The following ARHGAP24 variants were observed in gnomAD, a reference collection of about 807,000 sequenced individuals.
ARHGAP24 encodes Rho GTPase activating protein 24.
In ARHGAP24, 50 loss-of-function variants were observed where a neutral mutation model predicts 76.4. The observed-to-expected ratio is 0.65, with a 90% confidence interval of 0.52 to 0.83. The LOEUF is 0.83. ARHGAP24 is among the 40% of genes least tolerant of loss of function. The pLI is 0.00. For missense variants in ARHGAP24, 930 were observed against 914.2 expected, an observed-to-expected ratio of 1.02 and a Z score of -0.22; for synonymous variants, 345 against 323.3, an observed-to-expected ratio of 1.07 and a Z score of -0.72.
At chr4:85,836,206 C>A (rs532052726) in intron 3 of ARHGAP24, among the ~76,000 whole-genome samples, 2 of 152,314 alleles carry the variant, frequency 1.3e-5, no homozygotes, top group Admixed American at 1.3e-4. Flanking sequence ...CCAAACATTT[C>A]TGTGTGTGTC....
chr4:85,479,424 T>A (rs528114480), intron 1 of ARHGAP24, among the ~76,000 whole-genome samples: 3 of 152,218 alleles, frequency 2.0e-5, no homozygotes, highest in Non-Finnish European at 4.4e-5. Context: ...ATCTGTGAAA[T>A]CCAAGTGGGA....
At chr4:85,693,282 A>G (rs1056224313) in intron 2 of ARHGAP24, among the ~76,000 whole-genome samples, 3 of 152,154 alleles carry the variant, frequency 2.0e-5, no homozygotes, top group Non-Finnish European at 4.4e-5. Flanking sequence ...CTGGCACTGC[A>G]TCAACATTTC....
At chr4:85,972,572 G>T (rs2148851738) in intron 6 of ARHGAP24, among the ~76,000 whole-genome samples, 1 of 152,160 alleles carries the variant, frequency 6.6e-6, no homozygotes, top group Middle Eastern at 3.4e-3. Flanking sequence ...CTTTGTTAAG[G>T]TATAATTTTT....
intron 2 of ARHGAP24, among the ~76,000 whole-genome samples, chr4:85,581,209 G>A (rs772641407): frequency 2.3e-4 from 35 of 152,046 alleles, no homozygotes; most frequent in Admixed American, 5.9e-4. Context: ...CTAAAATATA[G>A]CATAATAAGC....
intron 4 of ARHGAP24, among the ~76,000 whole-genome samples, chr4:85,934,122 A>G (rs1027221783): frequency 1.3e-5 from 2 of 152,218 alleles, no homozygotes; most frequent in Non-Finnish European, 2.9e-5. Context: ...CACACAAGCC[A>G]TCTTGTGAAG....
chr4:85,538,124 T>G (rs1212673294), intron 1 of ARHGAP24, among the ~76,000 whole-genome samples: 1 of 152,110 alleles, frequency 6.6e-6, no homozygotes, highest in Non-Finnish European at 1.5e-5. Context: ...AAATAACATC[T>G]TCACAGGTTT....
At chr4:85,833,736 AG>A (rs1475051625) in intron 3 of ARHGAP24, among the ~76,000 whole-genome samples, 2 of 152,248 alleles carry the variant, frequency 1.3e-5, no homozygotes, top group Admixed American at 6.5e-5. Flanking sequence ...GAAACTTGGA[AG>A]GTACAAACAG....
intron 1 of ARHGAP24, among the ~76,000 whole-genome samples, chr4:85,564,408 G>GA (rs1239939537): frequency 1.5e-5 from 2 of 131,978 alleles, no homozygotes; most frequent in African/African-American, 8.1e-5. Flanking sequence ...TGGGGGGAGC[G>GA]GGGGGGATAG....
rs141735845 is a variant in ARHGAP24 at position 85,933,692 on chromosome 4, A to G, written c.392-8374A>G. Among the ~76,000 whole-genome samples the G allele has an allele frequency of 8.7e-3, 1,330 of 152,324 alleles. 20 individuals are homozygous for G. Among genetic ancestry groups the G allele is most frequent in the African/African-American group, 0.031 (1,269 of 41,576 alleles). On this transcript the variant is annotated intron_variant, in intron 4 of 9. Coordinates refer to ENST00000395184, the MANE Select transcript of ARHGAP24 (RefSeq NM_001025616.3). ...GAAACTACAATTTTTCTTTACCTCT[A>G]TAATATGACTATTAGCAGTGTAACC...
chr4:85,911,072 C>G (rs948122835), intron 3 of ARHGAP24, among the ~76,000 whole-genome samples: 3 of 152,202 alleles, frequency 2.0e-5, no homozygotes, highest in Non-Finnish European at 4.4e-5. Context: ...CCTGGGTCCT[C>G]AAGAGTACAG....
At chr4:85,717,304 T>C (rs1162520110) in intron 2 of ARHGAP24, among the ~76,000 whole-genome samples, 1 of 152,120 alleles carries the variant, frequency 6.6e-6, no homozygotes, top group African/African-American at 2.4e-5. Context: ...CAATATATAA[T>C]AATGCATCTG....
intron 3 of ARHGAP24, among the ~76,000 whole-genome samples, chr4:85,820,191 TC>T (rs2110122703): frequency 6.6e-6 from 1 of 152,328 alleles, no homozygotes; most frequent in Admixed American, 6.5e-5. Context: ...ATGCATATGT[TC>T]ATCACAGCAC....
At chr4:85,538,601 T>A (rs1186005646) in intron 1 of ARHGAP24, among the ~76,000 whole-genome samples, 1 of 152,202 alleles carries the variant, frequency 6.6e-6, no homozygotes, top group Non-Finnish European at 1.5e-5. Context: ...ACGCACCTAT[T>A]TGACTTGTAA....
intron 2 of ARHGAP24, among the ~76,000 whole-genome samples, chr4:85,655,790 T>C (rs76154869): frequency 2.0e-5 from 1 of 50,140 alleles, no homozygotes; most frequent in African/African-American, 1.1e-4. Context: ...TATATATATA[T>C]ATAGAGAGAG....
At chr4:85,650,782 A>G (rs1721910153) in intron 2 of ARHGAP24, among the ~76,000 whole-genome samples, 1 of 149,448 alleles carries the variant, frequency 6.7e-6, no homozygotes, top group South Asian at 2.1e-4. Flanking sequence ...CAAACTGAAT[A>G]TGAGTACTGA....
chr4:85,994,972 A>C lies in ARHGAP24; in HGVS notation c.1318A>C (p.Ser440Arg), dbSNP rs772911173. Residue 440 changes from serine (S) to arginine (R), a missense_variant, in exon 9 of 10, where the codon AGC (serine) becomes CGC (arginine). Coordinates refer to ENST00000395184, the MANE Select transcript of ARHGAP24 (RefSeq NM_001025616.3). The stretch of plus-strand genomic sequence containing the variant: ...GATAGTTACCAATGGGTCCTTCAGC[A>C]GCAGTAATGCAGAAGGTCTTGAGAA... ...SGIVTNGSFS[S>R]SNAEGLEKTQ... 5 of 1,614,040 alleles carry C rather than the reference A, an allele frequency of 3.1e-6. No individual in the cohort carries two copies. The highest frequency in any genetic ancestry group is 3.4e-6 in the Non-Finnish European group (4 of 1,180,036).
At position 85,487,416 on chromosome 4, in the gene ARHGAP24, TATA is replaced by T. The variant is rs1186761386; in HGVS notation, c.-21+11858_-21+11860del. Among the ~76,000 whole-genome samples, 12 of 108,320 alleles carry T rather than the reference TATA, an allele frequency of 1.1e-4. No homozygotes were observed. In the East Asian group the frequency reaches 3.2e-3, roughly 29 times the overall value. 71.1% of individuals were successfully genotyped at this position (108,320 alleles called of 152,430 possible). On this transcript the variant is annotated intron_variant, in intron 1 of 9. Coordinates refer to ENST00000395184, the MANE Select transcript of ARHGAP24 (RefSeq NM_001025616.3). ...TAAACATGTAAATATATATTTATTA[TATA>T]TTATATAAATATATAAATATATATT...
chr4:85,862,585 C>CTTTAGA (rs1219959456), intron 3 of ARHGAP24, among the ~76,000 whole-genome samples: 1 of 152,068 alleles, frequency 6.6e-6, no homozygotes, highest in African/African-American at 2.4e-5. Context: ...TTTGCTTTAA[C>CTTTAGA]AGGGCTCACC....
intron 1 of ARHGAP24, among the ~76,000 whole-genome samples, chr4:85,518,957 G>A (rs191793504): frequency 6.2e-4 from 94 of 152,162 alleles, no homozygotes; most frequent in African/African-American, 6.7e-4. Context: ...TTTCCATAGC[G>A]GCAGTACTAG....
Sources: gnomAD v4.1 joint callset for allele counts (sites outside exome capture counted in the v4.1 genomes callset) on GRCh38, gnomAD v4.1.1 for gene constraint, MANE v1.5 for transcripts, NCBI Gene and HGNC (gene_info 2026-07-23, HGNC 2026-07-21) for gene names.